SDK1: variants seen among roughly 807,000 people sequenced by gnomAD.
SDK1 encodes the protein sidekick cell adhesion molecule 1, also known as protein sidekick-1.
Under a neutral mutation model 245.5 loss-of-function variants are expected in SDK1, and 157 were observed. The observed-to-expected ratio is 0.64, with a 90% CI of 0.56 to 0.73. The LOEUF (loss-of-function observed/expected upper bound fraction) is 0.73. Ranked by LOEUF, SDK1 falls within the 30% of genes least tolerant of loss-of-function variation. The pLI, the probability that SDK1 is intolerant of heterozygous loss-of-function variation, is 0.00. For missense variants in SDK1, 3,583 were observed against 3,002.3 expected, an observed-to-expected ratio of 1.19 and a Z score of -4.52; for synonymous variants, 1,647 against 1,278.5, an observed-to-expected ratio of 1.29 and a Z score of -6.15.
At chr7:4,011,153 G>A (rs561882235) in intron 15 of SDK1, 40 bp downstream of exon 15, 80 of 1,603,080 alleles carry the variant, frequency 5.0e-5, no homozygotes, top group African/African-American at 1.1e-4. Flanking sequence ...TGGAACAGCC[G>A]GGGGCCTGAA....
chr7:4,220,515 G>GTTTTTTTTTTTTTTT (rs34675135), intron 39 of SDK1, among the ~76,000 whole-genome samples: 1 of 140,538 alleles, frequency 7.1e-6, no homozygotes, highest in Non-Finnish European at 1.5e-5. Context: ...AGTTTTAGTT[G>GTTTTTTTTTTTTTTT]TTTTTTTTTT....
chr7:3,325,010 G>A (rs1467609458), intron 1 of SDK1, among the ~76,000 whole-genome samples: 1 of 152,134 alleles, frequency 6.6e-6, no homozygotes, highest in African/African-American at 2.4e-5. Flanking sequence ...TGGTGGTGGA[G>A]CAGCTATTAG....
At chr7:4,051,495 G>A in intron 18 of SDK1, 143 bp from the exon 19 acceptor site, 2 of 656,194 alleles carry the variant, frequency 3.0e-6, no homozygotes, top group Non-Finnish European at 4.9e-6. Context: ...CTTTTTTCAA[G>A]CGTGATTATA....
At chr7:3,444,249 A>G (rs1780280754) in intron 1 of SDK1, among the ~76,000 whole-genome samples, 1 of 151,972 alleles carries the variant, frequency 6.6e-6, no homozygotes, top group African/African-American at 2.4e-5. Context: ...GTGTGGTCTT[A>G]CAGTATTTAT....
At chr7:3,314,072 G>A (rs1779609528) in intron 1 of SDK1, among the ~76,000 whole-genome samples, 1 of 152,138 alleles carries the variant, frequency 6.6e-6, no homozygotes, top group Middle Eastern at 3.2e-3. Context: ...AAAAAATACA[G>A]CGCCAATGTG....
At chr7:4,199,454 C>T (rs1269628446) in intron 35 of SDK1, among the ~76,000 whole-genome samples, 3 of 152,098 alleles carry the variant, frequency 2.0e-5, no homozygotes, top group African/African-American at 4.8e-5. Flanking sequence ...CATTACTGGA[C>T]GAAATCAAAC....
intron 1 of SDK1, among the ~76,000 whole-genome samples, chr7:3,527,750 G>C (rs1783192625): frequency 6.6e-6 from 1 of 151,390 alleles, no homozygotes; most frequent in Admixed American, 6.6e-5. Flanking sequence ...TTGGATGATA[G>C]CTAGGGGGTG....
intron 2 of SDK1, among the ~76,000 whole-genome samples, chr7:3,629,164 G>C (rs532784383): frequency 6.6e-6 from 1 of 151,698 alleles, no homozygotes; most frequent in Non-Finnish European, 1.5e-5. Flanking sequence ...AGCCGGGCAT[G>C]GTGGCGGGCG....
intron 25 of SDK1, among the ~76,000 whole-genome samples, chr7:4,115,014 G>A (rs1783609928): frequency 6.6e-6 from 1 of 152,218 alleles, no homozygotes; most frequent in Non-Finnish European, 1.5e-5. Context: ...AATGCTGAAA[G>A]TGGCTGCCTA....
At chr7:3,572,703 A>C (rs148411079) in intron 1 of SDK1, among the ~76,000 whole-genome samples, 2 of 152,174 alleles carry the variant, frequency 1.3e-5, no homozygotes, top group East Asian at 3.9e-4. Flanking sequence ...GCGTGATACT[A>C]GGTATAGAGG....
At chr7:4,213,323 A>G (rs1163756258) in intron 38 of SDK1, among the ~76,000 whole-genome samples, 1 of 151,450 alleles carries the variant, frequency 6.6e-6, no homozygotes, top group East Asian at 1.9e-4. Flanking sequence ...TGAGGCAGAA[A>G]ATTGCTTAAT....
In SDK1 at chr7:4,077,123, G is replaced by T. The variant is rs776712780; in HGVS notation, c.3136G>T (p.Ala1046Ser). The change falls in exon 21 of 45, where the codon GCC becomes TCC. Residue 1046 changes from alanine (A) to serine (S), a missense_variant. Coordinates refer to ENST00000404826, the MANE Select transcript of SDK1 (RefSeq NM_152744.4). ...SSLTTYTIDV[A>S]AVTAVGTGLV... ...TCTCACCACCTACACCATCGACGTG[G>T]CCGCTGTGACTGCCGTGGGCACTGG... 19 of 1,614,220 alleles carry T rather than the reference G, an allele frequency of 1.2e-5. No individual in the cohort carries two copies. In the East Asian group the frequency reaches 4.2e-4, roughly 36 times the overall value.
intron 1 of SDK1, among the ~76,000 whole-genome samples, chr7:3,594,506 C>G (rs986264641): frequency 1.3e-5 from 2 of 152,038 alleles, no homozygotes; most frequent in Admixed American, 1.3e-4. Context: ...TAACTTGATA[C>G]CTAACATTTT....
intron 4 of SDK1, among the ~76,000 whole-genome samples, chr7:3,801,539 C>T (rs934819154): frequency 2.0e-5 from 3 of 152,176 alleles, no homozygotes; most frequent in East Asian, 1.9e-4. Flanking sequence ...CGTCCTCTCT[C>T]CTTAGCCCTA....
At chr7:3,590,457 A>G (rs1345926571) in intron 1 of SDK1, among the ~76,000 whole-genome samples, 1 of 152,204 alleles carries the variant, frequency 6.6e-6, no homozygotes, top group African/African-American at 2.4e-5. Flanking sequence ...ATGACAAACT[A>G]TACCAACAAG....
At chr7:3,835,889 C>T (rs903137581) in intron 5 of SDK1, among the ~76,000 whole-genome samples, 1 of 152,172 alleles carries the variant, frequency 6.6e-6, no homozygotes, top group African/African-American at 2.4e-5. Context: ...ATTTTCAAAC[C>T]TTTGCCTGTT....
At chr7:3,620,162 C>CA (rs1269702249) in intron 2 of SDK1, among the ~76,000 whole-genome samples, 2 of 152,180 alleles carry the variant, frequency 1.3e-5, no homozygotes, top group Non-Finnish European at 2.9e-5. Flanking sequence ...CCCACCCACT[C>CA]ACTCTCTTTA....
chr7:3,587,004 TGGA>T (rs955980693), intron 1 of SDK1, among the ~76,000 whole-genome samples: 3 of 151,420 alleles, frequency 2.0e-5, no homozygotes, highest in Non-Finnish European at 4.4e-5. Context: ...TAACTTGAGG[TGGA>T]GGAGGAGGAG....
chr7:4,072,162 T>C (rs1780294966), intron 20 of SDK1, among the ~76,000 whole-genome samples: 1 of 152,186 alleles, frequency 6.6e-6, no homozygotes, highest in South Asian at 2.1e-4. Flanking sequence ...CAGCAGTCTG[T>C]TGTTTATGGT....
Sources: allele counts gnomAD v4.1 joint callset (sites outside exome capture counted in the v4.1 genomes callset), GRCh38; gene constraint gnomAD v4.1.1; transcripts MANE v1.5; gene names NCBI Gene and HGNC (gene_info 2026-07-23, HGNC 2026-07-21).